SPAG16: variants seen among roughly 807,000 people sequenced by gnomAD.
SPAG16 encodes sperm-associated antigen 16 protein.
Under a neutral mutation model 80.4 loss-of-function variants are expected in SPAG16, and 86 were observed. The observed-to-expected ratio is 1.07, with a 90% confidence interval of 0.90 to 1.28. SPAG16 has a LOEUF of 1.28. Among genes scored for constraint, SPAG16 ranks in the 50% most tolerant of loss-of-function variants. The pLI, the probability that SPAG16 is intolerant of heterozygous loss-of-function variation, is 0.00. For missense variants in SPAG16, 870 were observed against 765.3 expected (o/e 1.14, Z -1.61); for synonymous variants, 294 against 265.9 (o/e 1.11, Z -1.03).
chr2:213,411,239 C>T (rs942609237), intron 9 of SPAG16, among the ~76,000 whole-genome samples: 4 of 152,148 alleles, frequency 2.6e-5, no homozygotes, highest in Non-Finnish European at 4.4e-5. Flanking sequence ...ATAGGTCTTT[C>T]GACTCTCAAG....
chr2:213,495,680 G>A (rs1048102045), intron 10 of SPAG16, among the ~76,000 whole-genome samples: 4 of 152,208 alleles, frequency 2.6e-5, no homozygotes, highest in Admixed American at 1.3e-4. Context: ...GAAACTGAGT[G>A]TAGGATGAAT....
At chr2:214,148,165 A>G (rs746121009) in intron 14 of SPAG16, among the ~76,000 whole-genome samples, 1 of 152,190 alleles carries the variant, frequency 6.6e-6, no homozygotes, top group South Asian at 2.1e-4. Flanking sequence ...GAGTGGACAA[A>G]GAAATTAAAT....
In SPAG16 at chr2:214,097,486, G is replaced by A. The variant is rs183288971; in HGVS notation, c.1528-10710G>A. On this transcript the variant is annotated intron_variant, in intron 13 of 15. Transcript: ENST00000331683. ...GCACAAAACTTTATGCTGTGCAGCT[G>A]TCAGATGGTTGTGACATTCCATTAT... Among the ~76,000 whole-genome samples the A allele has an allele frequency of 9.2e-5, 14 of 152,148 alleles. 1 individual carries two copies. Among genetic ancestry groups the A allele is most frequent in the South Asian group, 8.3e-4 (4 of 4,824 alleles).
At chr2:214,241,388 C>A (rs1355248268) in intron 15 of SPAG16, 8 of 151,526 alleles carry the variant, frequency 5.3e-5, no homozygotes, top group Non-Finnish European at 1.0e-4. Flanking sequence ...AGGAAGAAGC[C>A]ATTAGGTCTC....
intron 9 of SPAG16, among the ~76,000 whole-genome samples, chr2:213,446,158 G>A (rs2071297167): frequency 6.6e-6 from 1 of 152,182 alleles, no homozygotes; most frequent in Admixed American, 6.5e-5. Flanking sequence ...ATAAGAAACA[G>A]TGCAAGAACT....
chr2:214,409,603 T>C (rs1321577845), intron 15 of SPAG16, among the ~76,000 whole-genome samples: 2 of 152,188 alleles, frequency 1.3e-5, no homozygotes, highest in Non-Finnish European at 2.9e-5. Flanking sequence ...GAAGTATTTA[T>C]TTCCACTTCA....
intron 11 of SPAG16, among the ~76,000 whole-genome samples, chr2:213,920,974 G>A (rs942260042): frequency 2.0e-5 from 3 of 152,230 alleles, no homozygotes; most frequent in Non-Finnish European, 2.9e-5. Flanking sequence ...TGTGGCAAGA[G>A]TAGGTTGATC....
intron 12 of SPAG16, among the ~76,000 whole-genome samples, chr2:213,991,859 GTTTATTTA>G (rs35598286): frequency 0.088 from 12,734 of 144,902 alleles, 607 homozygotes; most frequent in African/African-American, 0.12. Flanking sequence ...ACAATTGAGA[GTTTATTTA>G]TTTATTTATT....
intron 10 of SPAG16, among the ~76,000 whole-genome samples, chr2:213,814,667 G>A (rs758410193): frequency 5.3e-5 from 8 of 152,136 alleles, no homozygotes; most frequent in Non-Finnish European, 1.0e-4. Context: ...GCACACGCCT[G>A]TAATCCCAGC....
At chr2:213,947,088 A>T (rs561102660) in intron 12 of SPAG16, among the ~76,000 whole-genome samples, 59 of 152,008 alleles carry the variant, frequency 3.9e-4, no homozygotes, top group Non-Finnish European at 7.4e-4. Context: ...TAGTTTATTT[A>T]TTCACTCCTT....
chr2:214,107,884 G>A (rs2053462775), intron 13 of SPAG16, among the ~76,000 whole-genome samples: 1 of 152,096 alleles, frequency 6.6e-6, no homozygotes, highest in Non-Finnish European at 1.5e-5. Flanking sequence ...ATAGTCTTTG[G>A]CCTCAGGGCT....
At chr2:214,230,487 A>G (rs914497036) in intron 15 of SPAG16, among the ~76,000 whole-genome samples, 1 of 152,074 alleles carries the variant, frequency 6.6e-6, no homozygotes, top group African/African-American at 2.4e-5. Flanking sequence ...TTATTACATT[A>G]AACTTTTAAG....
At chr2:213,940,084 AT>A (rs1218973405) in intron 12 of SPAG16, among the ~76,000 whole-genome samples, 4 of 152,210 alleles carry the variant, frequency 2.6e-5, no homozygotes, top group Admixed American at 6.5e-5. Flanking sequence ...ATAAATATGC[AT>A]TTGAAAAGGT....
chr2:213,332,994 A>ATG (rs1308363930), intron 5 of SPAG16, among the ~76,000 whole-genome samples: 1 of 152,108 alleles, frequency 6.6e-6, no homozygotes, highest in African/African-American at 2.4e-5. Flanking sequence ...CTATTATTCA[A>ATG]TGTAGTAGTG....
At chr2:213,643,350 A>T (rs1421383853) in intron 10 of SPAG16, among the ~76,000 whole-genome samples, 4 of 3,920 alleles carry the variant, frequency 1.0e-3, no homozygotes, top group South Asian at 0.014. Flanking sequence ...TCTTAATTTT[A>T]TATATATATA....
chr2:214,140,151 A>T (rs1040134405), intron 14 of SPAG16, among the ~76,000 whole-genome samples: 1 of 151,856 alleles, frequency 6.6e-6, no homozygotes, highest in Non-Finnish European at 1.5e-5. Context: ...GGTTACTCTC[A>T]TGGGCTCAGA....
At chr2:214,013,832 G>A (rs1344726452) in intron 12 of SPAG16, 119 bp from the exon 13 acceptor site, 61 of 980,180 alleles carry the variant, frequency 6.2e-5, no homozygotes, top group Non-Finnish European at 8.5e-5. Context: ...TGTTGTTATT[G>A]TAAAATTTTT....
chr2:214,337,355 T>G (rs1485239047), intron 15 of SPAG16, among the ~76,000 whole-genome samples: 1 of 152,130 alleles, frequency 6.6e-6, no homozygotes. Context: ...TCACACAGTT[T>G]TTTCTGTCAA....
At chr2:214,135,642 T>C (rs1474620754) in intron 14 of SPAG16, among the ~76,000 whole-genome samples, 2 of 151,982 alleles carry the variant, frequency 1.3e-5, no homozygotes, top group Admixed American at 1.3e-4. Context: ...GATGAGTGAG[T>C]TTCTACTCTT....
Sources: gnomAD v4.1 joint callset for allele counts (sites outside exome capture counted in the v4.1 genomes callset) on GRCh38, gnomAD v4.1.1 for gene constraint, MANE v1.5 for transcripts, NCBI Gene and HGNC (gene_info 2026-07-23, HGNC 2026-07-21) for gene names.